SLC22A25: variants seen among roughly 807,000 people sequenced by gnomAD.
SLC22A25 encodes solute carrier family 22 member 25.
In SLC22A25, 44 loss-of-function variants were observed where a neutral mutation model predicts 45.9. The ratio of observed to expected loss-of-function variants is 0.96; its 90% CI spans 0.75 to 1.23. The LOEUF is 1.23. SLC22A25 is among the 50% of genes most tolerant of loss of function. The pLI, the probability that SLC22A25 is intolerant of heterozygous loss-of-function variation, is 0.00. For synonymous variants in SLC22A25, 283 were observed against 238.6 expected (o/e 1.19, Z -1.72); for missense variants, 800 against 666.4 (o/e 1.20, Z -2.21).
At chr11:63,225,579 G>A (rs1314721420) in intron 5 of SLC22A25, among the ~76,000 whole-genome samples, 1 of 152,040 alleles carries the variant, frequency 6.6e-6, no homozygotes, top group East Asian at 1.9e-4. Context: ...CTTGACCTAG[G>A]GAGTTGGATT....
Position 63,168,384 on chromosome 11 carries a change from A to G in SLC22A25, c.1071-2126T>C, listed in dbSNP as rs1243652887. Among the ~76,000 whole-genome samples, 2 of 152,196 alleles carry G rather than the reference A, an allele frequency of 1.3e-5. 1 individual carries two copies. The highest frequency in any genetic ancestry group is 4.8e-5 in the African/African-American group (2 of 41,450). On this transcript the variant is annotated intron_variant, in intron 9 of 11. Coordinates refer to ENST00000306494, the MANE Select transcript of SLC22A25 (RefSeq NM_199352.6). Reference sequence around the variant, plus strand: ...ACAAACTCCCCTGAGCTAAAGAAGCATGTTCTAACCCAATGCAAGGAAGTT... The same window carrying G: ...ACAAACTCCCCTGAGCTAAAGAAGCGTGTTCTAACCCAATGCAAGGAAGTT...
Position 63,229,342 on chromosome 11 carries a change from G to T in SLC22A25, c.311C>A (p.Thr104Asn). ...ATCTGGCTCACTCGTGTTGGGGAAG[G>T]TCCCATTCAGATGAATGAGCTTCCA... ...PQWKLIHLNG[T>N]FPNTSEPDTE... The change falls in exon 4 of 12, where the codon ACC (threonine) becomes AAC (asparagine). Residue 104 changes from threonine (T) to asparagine (N), a missense_variant. By Grantham distance (65) the Thr-to-Asn change is moderately conservative. Transcript: ENST00000306494. 13 of 1,613,660 alleles carry T rather than the reference G, an allele frequency of 8.1e-6. No homozygotes were observed. The highest frequency in any genetic ancestry group is 1.1e-5 in the Non-Finnish European group (13 of 1,179,772).
intron 7 of SLC22A25, among the ~76,000 whole-genome samples, chr11:63,212,897 T>C (rs1394648270): frequency 1.3e-5 from 2 of 152,124 alleles, no homozygotes; most frequent in Non-Finnish European, 2.9e-5. Context: ...GCTATTACAA[T>C]ACATTGATGA....
rs114710005 is a variant in SLC22A25, at chr11:63,184,649, C to T, written c.831-832G>A. Among the ~76,000 whole-genome samples the T allele has an allele frequency of 7.2e-3, 1,099 of 152,232 alleles. 9 individuals carry two copies. Among genetic ancestry groups the T allele is most frequent in the African/African-American group, 0.024 (1,010 of 41,562 alleles). On this transcript the variant is annotated intron_variant, in intron 7 of 11. Transcript: ENST00000306494. ...TATACAGGTAAATTGATGTCCCTTC[C>T]TATCATCCAATATCACCTACGACAA...
intron 1 of SLC22A25, among the ~76,000 whole-genome samples, chr11:63,240,860 C>A (rs899509902): frequency 6.6e-6 from 1 of 152,148 alleles, no homozygotes; most frequent in African/African-American, 2.4e-5. Context: ...TCCCATCCAA[C>A]CTGTTATGCA....
chr11:63,208,335 G>A (rs1465385319), intron 7 of SLC22A25: 2 of 152,310 alleles, frequency 1.3e-5, no homozygotes, highest in African/African-American at 2.4e-5. Context: ...AAGGACAAAG[G>A]GGAGCTTCAT....
In SLC22A25 at chr11:63,163,492, A is replaced by G. The variant is rs2087573020; in HGVS notation, c.*332T>C. ...GCAATCCCAGACAGCTAACAGGTAC[A>G]CTCACTGGGCTGAGGGCTCCCCAGG... On this transcript the variant is annotated 3_prime_UTR_variant, in exon 12 of 12. Coordinates refer to ENST00000306494, the MANE Select transcript of SLC22A25 (RefSeq NM_199352.6). Among the ~76,000 whole-genome samples the G allele has an allele frequency of 6.6e-6, 1 of 152,010 alleles. No individual in the cohort carries two copies. The highest frequency in any genetic ancestry group is 6.6e-5 in the Admixed American group (1 of 15,260).
intron 7 of SLC22A25, among the ~76,000 whole-genome samples, chr11:63,200,623 C>T (rs2089208921): frequency 6.6e-6 from 1 of 152,118 alleles, no homozygotes; most frequent in Non-Finnish European, 1.5e-5. Flanking sequence ...TCTCTCACCA[C>T]TCCTATTCAA....
At chr11:63,220,832 AT>A (rs1485693810) in intron 5 of SLC22A25, among the ~76,000 whole-genome samples, 4 of 152,018 alleles carry the variant, frequency 2.6e-5, no homozygotes, top group Non-Finnish European at 5.9e-5. Context: ...CATGAGTTTA[AT>A]TGTTTTAGTT....
rs909539031 is a variant in SLC22A25, at chr11:63,229,309, G to T, written c.344C>A (p.Pro115His). Residue 115 changes from proline (P) to histidine (H), a missense_variant, in exon 4 of 12, where the codon CCC (proline) becomes CAC (histidine). Coordinates refer to ENST00000306494, the MANE Select transcript of SLC22A25 (RefSeq NM_199352.6). ...GTCATATACCCAGCCATCCACACAGGGCTCTGTATCTGGCTCACTCGTGTT... is the reference window on the plus strand; with the variant it reads ...GTCATATACCCAGCCATCCACACAGTGCTCTGTATCTGGCTCACTCGTGTT... ...FPNTSEPDTE[P>H]CVDGWVYDQS... The T allele has an allele frequency of 6.2e-7, 1 of 1,605,274 alleles. No individual in the cohort carries two copies. Among genetic ancestry groups the T allele is most frequent in the Admixed American group, 1.7e-5 (1 of 59,560 alleles).
intron 3 of SLC22A25, among the ~76,000 whole-genome samples, chr11:63,232,020 G>A (rs547939817): frequency 2.6e-5 from 4 of 152,306 alleles, no homozygotes; most frequent in Admixed American, 1.3e-4. Flanking sequence ...GTACCATGCT[G>A]TTTTGGTTAC....
chr11:63,181,640 T>C (rs1326151749), intron 8 of SLC22A25, among the ~76,000 whole-genome samples: 4 of 152,008 alleles, frequency 2.6e-5, no homozygotes, highest in African/African-American at 9.7e-5. Context: ...ACTATGGTAT[T>C]GTTGGTGAGT....
At chr11:63,194,183 T>G (rs1187728330) in intron 7 of SLC22A25, among the ~76,000 whole-genome samples, 2 of 151,756 alleles carry the variant, frequency 1.3e-5, no homozygotes, top group African/African-American at 2.4e-5. Context: ...CAAATCTATG[T>G]TTGATTGATG....
rs558397702 is a variant in SLC22A25 at position 63,229,279 on chromosome 11, C to A, written c.374G>T (p.Ser125Ile). The A allele has an allele frequency of 9.6e-6, 15 of 1,558,756 alleles. No homozygotes were observed. In the South Asian group the frequency reaches 1.3e-4, roughly 14 times the overall value. The change falls in exon 4 of 12, where the codon AGC becomes ATC. Residue 125 changes from serine to isoleucine, a missense_variant. Transcript: ENST00000306494. ...AGTCACAATGGTGGAAGGGAAGGAG[C>A]TTTGGTCATATACCCAGCCATCCAC... ...PCVDGWVYDQ[S>I]SFPSTIVTKW...
intron 3 of SLC22A25, among the ~76,000 whole-genome samples, chr11:63,237,647 T>C (rs141558447): frequency 8.1e-4 from 123 of 152,322 alleles, no homozygotes; most frequent in Middle Eastern, 3.4e-3. Flanking sequence ...TATTTCTAAA[T>C]CACATGTTGT....
intron 7 of SLC22A25, among the ~76,000 whole-genome samples, chr11:63,197,603 C>A (rs1304849849): frequency 3.3e-5 from 5 of 152,148 alleles, no homozygotes; most frequent in Admixed American, 2.6e-4. Flanking sequence ...AAATGTTAGA[C>A]CTAAAACCAT....
At position 63,200,025 on chromosome 11, in the gene SLC22A25, C is replaced by A. The variant is rs558141146; in HGVS notation, c.831-16208G>T. 2.6e-5 allele frequency among the ~76,000 whole-genome samples: 4 copies of A among 151,914 alleles called. 1 individual carries two copies. The South Asian group carries it at 8.3e-4, about 32-fold the overall frequency. ...TGAGTTTGTTTCTCACACATAACAA[C>A]CAAAAAAAGCCCAGGACCTGATGGT... On this transcript the variant is annotated intron_variant, in intron 7 of 11. Transcript: ENST00000306494.
chr11:63,201,730 A>G (rs758129435), intron 7 of SLC22A25, among the ~76,000 whole-genome samples: 8 of 152,206 alleles, frequency 5.3e-5, no homozygotes, highest in Non-Finnish European at 1.2e-4. Context: ...CAACCTACAG[A>G]ATGGGAGAAA....
chr11:63,177,824 G>GTGCA (rs201754031), intron 9 of SLC22A25, among the ~76,000 whole-genome samples: 1 of 136,446 alleles, frequency 7.3e-6, no homozygotes, highest in African/African-American at 2.9e-5. Context: ...TATATATAAT[G>GTGCA]TATATATATA....
Sources: allele counts gnomAD v4.1 joint callset (sites outside exome capture counted in the v4.1 genomes callset), GRCh38; gene constraint gnomAD v4.1.1; transcripts MANE v1.5; gene names NCBI Gene and HGNC (gene_info 2026-07-23, HGNC 2026-07-21).